NECTIN1: variants seen among roughly 807,000 people sequenced by gnomAD.
The protein encoded by NECTIN1 is nectin-1.
NECTIN1 carries 23 observed loss-of-function variants against 48.0 expected under a neutral mutation model. The ratio of observed to expected loss-of-function variants is 0.48; its 90% confidence interval spans 0.34 to 0.68. The LOEUF (loss-of-function observed/expected upper bound fraction) is 0.68. Among genes scored for constraint, NECTIN1 ranks in the 30% least tolerant of loss-of-function variants. The probability of loss-of-function intolerance (pLI) is 0.01; values close to 1 mark genes in which losing one functional copy is unlikely to be tolerated. For missense variants in NECTIN1, 591 were observed against 709.9 expected (o/e 0.83, Z 1.90); for synonymous variants, 270 against 288.9 (o/e 0.93, Z 0.66).
intron 1 of NECTIN1, among the ~76,000 whole-genome samples, chr11:119,699,754 C>A (rs903953627): frequency 6.6e-6 from 1 of 152,182 alleles, no homozygotes; most frequent in Non-Finnish European, 1.5e-5. Flanking sequence ...CTGAAGACAT[C>A]GAGACTAAGT....
In NECTIN1 at chr11:119,677,590, T is replaced by C. The variant is rs768666517; in HGVS notation, c.698A>G (p.Asp233Gly). 2 of 1,613,034 alleles carry C rather than the reference T, an allele frequency of 1.2e-6. No homozygotes were observed. The highest frequency in any genetic ancestry group is 1.7e-6 in the Non-Finnish European group (2 of 1,180,000). ...SLACIVNYHM[D>G]RFKESLTLNV... ...GAGAGTGAGGCTTTCCTTGAAGCGG[T>C]CCATGTGGTAGTTGACGATGCAGGC... Residue 233 changes from aspartate (D) to glycine (G), a missense_variant, in exon 3 of 6, where the codon GAC (aspartate) becomes GGC (glycine). Transcript: ENST00000264025. This position sits in a 1 kb window ranked among gnomAD's most constrained non-coding sequence, Gnocchi z 5.4.
At position 119,662,412 on chromosome 11, in the gene NECTIN1, C is replaced by T. The variant is rs975697833; in HGVS notation, c.*2335G>A. Reference sequence around the variant, plus strand: ...GGCTGGGCCCCTGGCAAGTCAGGAGCCTCCTACGTGGCCCATGCTACATGG... The same window carrying T: ...GGCTGGGCCCCTGGCAAGTCAGGAGTCTCCTACGTGGCCCATGCTACATGG... On this transcript the variant is annotated 3_prime_UTR_variant, in exon 6 of 6. Transcript: ENST00000264025. This position sits in a 1 kb window ranked among gnomAD's most constrained non-coding sequence, Gnocchi z 5.3. The T allele has an allele frequency of 8.1e-6, 8 of 985,614 alleles. No homozygotes were observed. The African/African-American group carries it at 1.4e-4, about 17-fold the overall frequency. 61.1% of individuals were successfully genotyped at this position (985,614 alleles called of 1,614,324 possible). A position where few individuals can be genotyped will look rare whatever the true frequency, so the allele number is the denominator to read the frequency against.
chr11:119,643,862 C>T (rs1357080343), intron 5 of NECTIN1, among the ~76,000 whole-genome samples: 1 of 152,226 alleles, frequency 6.6e-6, no homozygotes, highest in Admixed American at 6.5e-5. Context: ...CACTTATTGC[C>T]CACCAGGCTC....
intron 7 of NECTIN1, chr11:119,638,323 T>G (rs1224737875): frequency 1.3e-6 from 2 of 1,557,024 alleles, no homozygotes; most frequent in Non-Finnish European, 1.8e-6. Context: ...GACTCCCAGT[T>G]GGATTGGGAC....
intron 1 of NECTIN1, among the ~76,000 whole-genome samples, chr11:119,701,723 T>C (rs1591476371): frequency 6.6e-6 from 1 of 152,312 alleles, no homozygotes; most frequent in South Asian, 2.1e-4. Flanking sequence ...GCCTAATTTA[T>C]TCTCCAGGTC....
At chr11:119,714,649 C>G (rs1385380539) in intron 1 of NECTIN1, among the ~76,000 whole-genome samples, 2 of 151,998 alleles carry the variant, frequency 1.3e-5, no homozygotes, top group African/African-American at 4.8e-5. Context: ...CTCCCTCTCC[C>G]TGTCCCCTCT....
In NECTIN1 at chr11:119,677,360, A is replaced by G. The variant is rs1864971217; in HGVS notation, c.734-141T>C. ...GGGAAGTGTGGGTGGGAGGGTGGCA[A>G]TCACAGAGCCCGGGAGTGGAAACAG... On this transcript the variant is annotated intron_variant, in intron 3 of 5. Coordinates refer to ENST00000264025, the MANE Select transcript of NECTIN1 (RefSeq NM_002855.5). This position sits in a 1 kb window ranked among gnomAD's most constrained non-coding sequence, Gnocchi z 5.4. The G allele has an allele frequency of 6.9e-6, 7 of 1,021,334 alleles. No homozygotes were observed. Among genetic ancestry groups the G allele is most frequent in the South Asian group, 6.5e-5 (5 of 77,222 alleles). 63.3% of individuals were successfully genotyped at this position (1,021,334 alleles called of 1,614,324 possible).
chr11:119,660,633 G>A (rs1864646290), downstream of NECTIN1, among the ~76,000 whole-genome samples: 1 of 152,114 alleles, frequency 6.6e-6, no homozygotes, highest in South Asian at 2.1e-4. Flanking sequence ...TGGGGCAGGA[G>A]GCACCCGTAC....
At position 119,661,253 on chromosome 11, in the gene NECTIN1, T is replaced by G; in HGVS notation, c.*3494A>C. 1.0e-6 allele frequency: 1 copy of G among 985,812 alleles called. No individual in the cohort carries two copies. Among genetic ancestry groups the G allele is most frequent in the Non-Finnish European group, 1.2e-6 (1 of 829,924 alleles). 61.1% of individuals were successfully genotyped at this position (985,812 alleles called of 1,614,324 possible). A position where few individuals can be genotyped will look rare whatever the true frequency, so the allele number is the denominator to read the frequency against. ...ATTTATACAAAAAAGGAAAACCAATTTTTTCGACCAAGAATCCCATTCCTC... is the reference window on the plus strand; with the variant it reads ...ATTTATACAAAAAAGGAAAACCAATGTTTTCGACCAAGAATCCCATTCCTC... On this transcript the variant is annotated 3_prime_UTR_variant, in exon 6 of 6. Coordinates refer to ENST00000264025, the MANE Select transcript of NECTIN1 (RefSeq NM_002855.5).
At chr11:119,657,853 C>T (rs900736656), downstream of NECTIN1, among the ~76,000 whole-genome samples, 3 of 138,466 alleles carry the variant, frequency 2.2e-5, no homozygotes, top group South Asian at 2.3e-4. Context: ...CCCAGGAGGT[C>T]GAGGCTGCAG....
chr11:119,664,366 A>C lies in NECTIN1; in HGVS notation c.*381T>G. 1 of 1,041,790 alleles carries C rather than the reference A, an allele frequency of 9.6e-7. No homozygotes were observed. Among genetic ancestry groups the C allele is most frequent in the Non-Finnish European group, 1.2e-6 (1 of 865,136 alleles). The allele number at this position is 1,041,790 out of a possible 1,614,324, so 64.5% of individuals were successfully genotyped here. ...TTGAGCCCTCCACCCCCAGTGAAGAAACACAAACAAATTCCAGTGTAGGGG... is the reference window on the plus strand; with the variant it reads ...TTGAGCCCTCCACCCCCAGTGAAGACACACAAACAAATTCCAGTGTAGGGG... On this transcript the variant is annotated 3_prime_UTR_variant, in exon 6 of 6. Transcript: ENST00000264025.
intron 5 of NECTIN1, among the ~76,000 whole-genome samples, chr11:119,647,555 G>A (rs937362682): frequency 2.0e-5 from 3 of 151,866 alleles, no homozygotes; most frequent in African/African-American, 7.3e-5. Context: ...CACACACCCA[G>A]CCTGCCCACC....
chr11:119,664,546 C>T lies in NECTIN1; in HGVS notation c.*201G>A, dbSNP rs982875298. On this transcript the variant is annotated 3_prime_UTR_variant, in exon 6 of 6. Transcript: ENST00000264025. ...TCGAACACAACACCATGGGGAAGGG[C>T]GGAGGAGAGGGAGGAAATAAAACAC... The T allele has an allele frequency of 4.3e-5, 62 of 1,427,204 alleles. 1 individual carries two copies. The highest frequency in any genetic ancestry group is 2.9e-4 in the Admixed American group (10 of 34,544). The allele number at this position is 1,427,204 out of a possible 1,614,324, so 88.4% of individuals were successfully genotyped here.
chr11:119,729,152 C>G lies in NECTIN1; in HGVS notation c.-599G>C, dbSNP rs1865971983. ...CAGCCGCCGCCGCTCTGCCGGGTGC[C>G]GGCGATCCGCAACAATGTGGAGCCG... On this transcript the variant is annotated 5_prime_UTR_variant, in exon 1 of 6. Transcript: ENST00000264025. 1 of 151,978 alleles carries G rather than the reference C, an allele frequency of 6.6e-6. No homozygotes were observed. Among genetic ancestry groups the G allele is most frequent in the Admixed American group, 6.6e-5 (1 of 15,248 alleles). The allele number at this position is 151,978 out of a possible 1,614,324, so 9.4% of individuals were successfully genotyped here.
chr11:119,690,177 C>T (rs757097013), intron 1 of NECTIN1, among the ~76,000 whole-genome samples: 9 of 152,054 alleles, frequency 5.9e-5, no homozygotes, highest in Non-Finnish European at 1.0e-4. Context: ...AGGAGACAGC[C>T]GGAGCTCCTT....
At chr11:119,726,126 C>T (rs1339694716) in intron 1 of NECTIN1, among the ~76,000 whole-genome samples, 2 of 152,216 alleles carry the variant, frequency 1.3e-5, no homozygotes, top group African/African-American at 4.8e-5. Flanking sequence ...AGGCCCCTCC[C>T]TCTTCCTCTC....
At chr11:119,691,454 G>C (rs1031589482) in intron 1 of NECTIN1, among the ~76,000 whole-genome samples, 2 of 152,216 alleles carry the variant, frequency 1.3e-5, no homozygotes, top group Non-Finnish European at 2.9e-5. Context: ...TTTGGGGAGA[G>C]GCCAGCTGAG....
intron 6 of NECTIN1, chr11:119,639,412 A>C: frequency 4.9e-6 from 1 of 203,266 alleles, no homozygotes; most frequent in East Asian, 1.3e-4. Flanking sequence ...TTAAAATATC[A>C]CATTAAAATA....
At chr11:119,646,725 C>G (rs574838295) in intron 5 of NECTIN1, among the ~76,000 whole-genome samples, 85 of 152,144 alleles carry the variant, frequency 5.6e-4, no homozygotes, top group Non-Finnish European at 1.1e-3. Flanking sequence ...CATTTTCATG[C>G]CCCCCACTGC....
Sources: gnomAD v4.1 joint callset for allele counts (sites outside exome capture counted in the v4.1 genomes callset) on GRCh38, gnomAD v4.1.1 for gene constraint, Gnocchi (gnomAD v3.1) non-coding constraint, MANE v1.5 for transcripts, NCBI Gene and HGNC (gene_info 2026-07-23, HGNC 2026-07-21) for gene names.